Variants in ADGRA3 observed in about 807,000 individuals in gnomAD.
The protein encoded by ADGRA3 is adhesion G protein-coupled receptor A3, also known as G-protein coupled receptor 125.
Under a neutral mutation model 119.8 loss-of-function variants are expected in ADGRA3, and 56 were observed. The observed-to-expected ratio is 0.47, with a 90% CI of 0.38 to 0.58. ADGRA3 has a LOEUF of 0.58. Ranked by LOEUF, ADGRA3 falls within the 20% of genes least tolerant of loss-of-function variation. ADGRA3 has a pLI of 0.00. For missense variants in ADGRA3, 1,516 were observed against 1,649.0 expected, an observed-to-expected ratio of 0.92 and a Z score of 1.40; for synonymous variants, 607 against 623.8, an observed-to-expected ratio of 0.97 and a Z score of 0.40.
At chr4:22,509,902 C>T (rs946471426) in intron 1 of ADGRA3, among the ~76,000 whole-genome samples, 4 of 146,654 alleles carry the variant, frequency 2.7e-5, no homozygotes, top group Admixed American at 7.0e-5. Context: ...CCCAGCTACT[C>T]GGGAGGCTGA....
At chr4:22,424,556 T>C (rs1715854627) in intron 10 of ADGRA3, among the ~76,000 whole-genome samples, 1 of 152,082 alleles carries the variant, frequency 6.6e-6, no homozygotes, top group Admixed American at 6.5e-5. Context: ...GGTATTTAGC[T>C]CAAAAGAGCA....
At chr4:22,507,113 G>A (rs1166879122) in intron 1 of ADGRA3, among the ~76,000 whole-genome samples, 3 of 151,932 alleles carry the variant, frequency 2.0e-5, no homozygotes, top group African/African-American at 7.3e-5. Flanking sequence ...GGTGGCGGGT[G>A]ACTGTAGTCC....
At position 22,436,745 on chromosome 4, in the gene ADGRA3, A is replaced by G. The variant is rs115217689; in HGVS notation, c.1086-104T>C. Reference sequence around the variant, plus strand: ...TCAAAGATGAAGATGTGTCATGTCAATACAACCCTGACACGGGTCATCAAA... The same window carrying G: ...TCAAAGATGAAGATGTGTCATGTCAGTACAACCCTGACACGGGTCATCAAA... On this transcript the variant is annotated intron_variant, in intron 8 of 18. Transcript: ENST00000334304. The G allele has an allele frequency of 9.6e-5, 92 of 953,740 alleles. No individual in the cohort carries two copies. The African/African-American group carries it at 1.3e-3, about 14-fold the overall frequency. The allele number at this position is 953,740 out of a possible 1,614,324, so 59.1% of individuals were successfully genotyped here.
chr4:22,396,019 CTTAGA>C (rs1471707220), intron 16 of ADGRA3, among the ~76,000 whole-genome samples: 4 of 152,132 alleles, frequency 2.6e-5, no homozygotes, highest in Admixed American at 2.6e-4. Flanking sequence ...AACAAGGTAT[CTTAGA>C]TAAGATCCAG....
In ADGRA3 at chr4:22,407,605, T is replaced by TAA. The variant is rs1714994711; in HGVS notation, c.2233-4807_2233-4806insTT. Among the ~76,000 whole-genome samples the TAA allele has an allele frequency of 2.0e-5, 3 of 152,308 alleles. No individual in the cohort carries two copies. In the South Asian group the frequency reaches 6.2e-4, roughly 32 times the overall value. On this transcript the variant is annotated intron_variant, in intron 14 of 18. Transcript: ENST00000334304. ...TAAATAGTAATCTTAGTTCCTCTTC[T>TAA]ACTCAGTACAAACTTTAATAACTAA...
chr4:22,483,567 T>G (rs575286754), intron 1 of ADGRA3, among the ~76,000 whole-genome samples: 2 of 152,338 alleles, frequency 1.3e-5, no homozygotes, highest in African/African-American at 2.4e-5. Flanking sequence ...ATACTTTTTC[T>G]ACATGTTAGA....
At chr4:22,509,852 T>C (rs545868847) in intron 1 of ADGRA3, among the ~76,000 whole-genome samples, 25 of 151,218 alleles carry the variant, frequency 1.7e-4, no homozygotes, top group African/African-American at 5.8e-4. Flanking sequence ...CTACTAAAAA[T>C]ACAAAAAATT....
intron 1 of ADGRA3, chr4:22,477,521 A>G (rs1191348029): frequency 2.0e-5 from 3 of 152,212 alleles, no homozygotes; most frequent in Non-Finnish European, 4.4e-5. Context: ...CTACACAACG[A>G]CCAAGCTCAG....
intron 4 of ADGRA3, among the ~76,000 whole-genome samples, chr4:22,449,224 T>C (rs963789161): frequency 4.7e-4 from 71 of 151,508 alleles, no homozygotes; most frequent in African/African-American, 1.7e-3. Flanking sequence ...GAGCCAGGAC[T>C]GCAGCACTGC....
At chr4:22,495,073 G>A (rs1278369270) in intron 1 of ADGRA3, among the ~76,000 whole-genome samples, 1 of 151,896 alleles carries the variant, frequency 6.6e-6, no homozygotes, top group African/African-American at 2.4e-5. Context: ...ATGTGAATGT[G>A]GTTTCTCTCT....
chr4:22,480,730 T>C (rs2875040), intron 1 of ADGRA3, among the ~76,000 whole-genome samples: 94,639 of 152,076 alleles, frequency 0.62, 30,449 homozygotes, highest in Non-Finnish European at 0.7. Flanking sequence ...CTAATTGCTG[T>C]ATACTTACGT....
intron 10 of ADGRA3, among the ~76,000 whole-genome samples, chr4:22,432,472 G>A (rs1036345055): frequency 5.9e-5 from 9 of 151,970 alleles, no homozygotes; most frequent in Non-Finnish European, 1.0e-4. Flanking sequence ...ATACAGAAGC[G>A]ATGACACTTT....
chr4:22,421,676 T>C (rs552881877), intron 11 of ADGRA3, among the ~76,000 whole-genome samples: 67 of 151,862 alleles, frequency 4.4e-4, no homozygotes, highest in Non-Finnish European at 8.8e-4. Context: ...GATTTAAAAA[T>C]CAAATTAGCC....
In ADGRA3 at chr4:22,413,221, C is replaced by G; in HGVS notation, c.2193G>C (p.Thr731=). ...AGTTACTAAGGGAGTAGCACTGAAT[C>G]GTAGTGATATTTTCATCTGAATAGA... ...HILYSDENIT[T]IQCYSLSNYA... Residue 731 remains threonine, a synonymous_variant, in exon 14 of 19, where the codon ACG becomes ACC. Transcript: ENST00000334304. 1 of 1,613,914 alleles carries G rather than the reference C, an allele frequency of 6.2e-7. No individual in the cohort carries two copies. The highest frequency in any genetic ancestry group is 1.1e-5 in the South Asian group (1 of 91,074).
chr4:22,509,490 G>A (rs61793419), intron 1 of ADGRA3, among the ~76,000 whole-genome samples: 7 of 149,766 alleles, frequency 4.7e-5, no homozygotes, highest in Admixed American at 6.7e-5. Flanking sequence ...GAAACAGGGC[G>A]AGACTCCATC....
chr4:22,414,726 A>C (rs1240466520), intron 12 of ADGRA3: 1 of 602,264 alleles, frequency 1.7e-6, no homozygotes, highest in Non-Finnish European at 2.9e-6. Flanking sequence ...TATTGCTCAG[A>C]TGTATCCCCT....
chr4:22,425,722 C>T (rs960654871), intron 10 of ADGRA3, among the ~76,000 whole-genome samples: 10 of 152,162 alleles, frequency 6.6e-5, no homozygotes, highest in South Asian at 4.1e-4. Flanking sequence ...ATTTCAATCC[C>T]GTTTTGTATC....
intron 16 of ADGRA3, 65 bp downstream of exon 16, chr4:22,401,366 T>C (rs1714631843): frequency 7.1e-7 from 1 of 1,411,508 alleles, no homozygotes; most frequent in African/African-American, 1.4e-5. Flanking sequence ...TTTCTTTTTA[T>C]AGTTAATGAA....
intron 8 of ADGRA3, among the ~76,000 whole-genome samples, chr4:22,437,231 A>G (rs1472552167): frequency 6.6e-6 from 1 of 152,172 alleles, no homozygotes; most frequent in Admixed American, 6.5e-5. Flanking sequence ...TACATAAAAG[A>G]CTTATCCATT....
Sources: allele counts gnomAD v4.1 joint callset (sites outside exome capture counted in the v4.1 genomes callset), GRCh38; gene constraint gnomAD v4.1.1; transcripts MANE v1.5; gene names NCBI Gene and HGNC (gene_info 2026-07-23, HGNC 2026-07-21).